LAMA5: variants seen among roughly 807,000 people sequenced by gnomAD.
The protein encoded by LAMA5 is laminin subunit alpha 5.
Under a neutral mutation model 433.4 loss-of-function variants are expected in LAMA5, and 260 were observed. The ratio of observed to expected loss-of-function variants is 0.60; its 90% CI spans 0.54 to 0.66. LAMA5 has a LOEUF of 0.66. Among genes scored for constraint, LAMA5 ranks in the 30% least tolerant of loss-of-function variants. LAMA5 has a pLI of 0.00. For synonymous variants in LAMA5, 2,620 were observed against 2,226.6 expected, an observed-to-expected ratio of 1.18 and a Z score of -4.97; for missense variants, 5,378 against 5,258.5, an observed-to-expected ratio of 1.02 and a Z score of -0.70.
Position 62,310,924 on chromosome 20 carries a change from G to A in LAMA5, c.10259C>T (p.Ser3420Phe), listed in dbSNP as rs1427569276. Residue 3420 changes from serine to phenylalanine, a missense_variant, in exon 74 of 80, where the codon TCC (serine) becomes TTC (phenylalanine). Ser to Phe is a radical substitution (Grantham distance 155, BLOSUM62 -2). Coordinates refer to ENST00000252999, the MANE Select transcript of LAMA5 (RefSeq NM_005560.6). The part of the protein sequence containing the change: ...TRLRAQSRQR[S>F]RPGRWHKVSV... ...CACCTTGTGCCAGCGGCCAGGCCGGGAGCGCTGGCGGCTCTGGGCGCGGAG... is the reference window on the plus strand; with the variant it reads ...CACCTTGTGCCAGCGGCCAGGCCGGAAGCGCTGGCGGCTCTGGGCGCGGAG... 4 of 1,610,816 alleles carry A rather than the reference G, an allele frequency of 2.5e-6. No individual in the cohort carries two copies. The highest frequency in any genetic ancestry group is 1.7e-4 in the Middle Eastern group (1 of 6,052).
At position 62,347,043 on chromosome 20, in the gene LAMA5, G is replaced by A; in HGVS notation, c.957-15C>T. 3 of 1,603,214 alleles carry A rather than the reference G, an allele frequency of 1.9e-6. No homozygotes were observed. Among genetic ancestry groups the A allele is most frequent in the Non-Finnish European group, 1.7e-6 (2 of 1,173,724 alleles). On this transcript the variant is annotated splice_polypyrimidine_tract_variant and intron_variant, in intron 6 of 79. Coordinates refer to ENST00000252999, the MANE Select transcript of LAMA5 (RefSeq NM_005560.6). ...TGCACTGCAGCCTGTGGGGTACACA[G>A]GAGGGGGGATCAGGCCCATCCTGGA...
At chr20:62,357,805 G>C (rs1453688161) in intron 2 of LAMA5, among the ~76,000 whole-genome samples, 2 of 152,222 alleles carry the variant, frequency 1.3e-5, no homozygotes, top group East Asian at 1.9e-4. Flanking sequence ...TGGAGGGAGA[G>C]GATGGGTTCC....
chr20:62,345,408 G>A (rs1363743909), intron 11 of LAMA5: 6 of 260,596 alleles, frequency 2.3e-5, no homozygotes, highest in Admixed American at 5.2e-5. Flanking sequence ...CATGTGCCAT[G>A]CCCAGTTTTC....
chr20:62,322,111 G>T lies in LAMA5; in HGVS notation c.6404C>A (p.Pro2135Gln). Residue 2135 changes from proline (P) to glutamine (Q), a missense_variant, in exon 48 of 80, where the codon CCG (proline) becomes CAG (glutamine). Transcript: ENST00000252999. ...GTCGCAGCGCTCCCCGCTGAGCCCC[G>T]GGGGGCAGTTGCAGCGGCCCGTGTG... Reference protein sequence around the residue: ...DPHTGRCNCPPGLSGERCDTC... With the variant: ...DPHTGRCNCPQGLSGERCDTC... 10 of 1,602,408 alleles carry T rather than the reference G, an allele frequency of 6.2e-6. No homozygotes were observed. The highest frequency in any genetic ancestry group is 6.8e-6 in the Non-Finnish European group (8 of 1,178,606).
intron 2 of LAMA5, among the ~76,000 whole-genome samples, chr20:62,357,958 G>A (rs989909859): frequency 1.3e-5 from 2 of 152,266 alleles, no homozygotes; most frequent in Non-Finnish European, 2.9e-5. Context: ...CACAGGAAGT[G>A]GAGATTATCC....
chr20:62,335,622 G>C (rs1981445026), intron 18 of LAMA5, among the ~76,000 whole-genome samples: 1 of 118,254 alleles, frequency 8.5e-6, no homozygotes, highest in Non-Finnish European at 1.7e-5. Flanking sequence ...AATCCCCTGA[G>C]GAACTCCACA....
chr20:62,334,115 C>T (rs1233601212), intron 22 of LAMA5, 71 bp downstream of exon 22: 1 of 1,586,650 alleles, frequency 6.3e-7, no homozygotes, highest in Non-Finnish European at 8.6e-7. Context: ...AGGGGCCTGC[C>T]CACCCCTCCC....
Position 62,313,008 on chromosome 20 carries a change from G to A in LAMA5, c.8958C>T (p.Ser2986=), listed in dbSNP as rs200709328. 5.8e-5 allele frequency: 92 copies of A among 1,583,188 alleles called. No individual in the cohort carries two copies. The highest frequency in any genetic ancestry group is 3.9e-4 in the African/African-American group (29 of 74,628). The change falls in exon 66 of 80, where the codon AGC becomes AGT. Residue 2986 remains serine (S), a splice_region_variant and synonymous_variant. Transcript: ENST00000252999. ...SGVLFFLKQQ[S]QFLCLAVQEG... Reference sequence around the variant, plus strand: ...CTTGCACGGCCAAGCACAGGAACTGGCTCTGCAGAAACAGGGCAGGGTTAG... The same window carrying A: ...CTTGCACGGCCAAGCACAGGAACTGACTCTGCAGAAACAGGGCAGGGTTAG...
chr20:62,309,767 G>A lies in LAMA5; in HGVS notation c.10897C>T (p.Leu3633=), dbSNP rs1985994526. Residue 3633 remains leucine (L), a synonymous_variant, in exon 79 of 80, where the codon CTG becomes TTG. Coordinates refer to ENST00000252999, the MANE Select transcript of LAMA5 (RefSeq NM_005560.6). ...AQSNHTVGPL[L]AAAAGAPAPL... Reference sequence around the variant, plus strand: ...GCTGGGGCACCAGCTGCAGCCGCCAGCAAGGGGCCCACGGTGTGGTTGCTC... The same window carrying A: ...GCTGGGGCACCAGCTGCAGCCGCCAACAAGGGGCCCACGGTGTGGTTGCTC... 1.2e-6 allele frequency: 2 copies of A among 1,605,818 alleles called. No individual in the cohort carries two copies. The highest frequency in any genetic ancestry group is 2.7e-5 in the African/African-American group (2 of 74,366).
At position 62,309,406 on chromosome 20, in the gene LAMA5, G is replaced by C. The variant is rs762967226; in HGVS notation, c.11018C>G (p.Ser3673Cys). Reference protein sequence around the residue: ...GCMRRLAVNRSPVAMTRSVEV... With the variant: ...GCMRRLAVNRCPVAMTRSVEV... ...CACAGAGCGAGTCATGGCGACGGGG[G>C]ACCGGTTCACCGCCAGCCTCCTCAT... Residue 3673 changes from serine to cysteine, a missense_variant, in exon 80 of 80, where the codon TCC becomes TGC. Physicochemically the swap from Ser to Cys is moderately radical, Grantham distance 112. Transcript: ENST00000252999. The C allele has an allele frequency of 6.3e-7, 1 of 1,586,826 alleles. No homozygotes were observed. The highest frequency in any genetic ancestry group is 1.7e-5 in the Admixed American group (1 of 58,172).
Position 62,367,105 on chromosome 20 carries a change from C to T in LAMA5, c.141G>A (p.Pro47=). 2.3e-6 allele frequency: 3 copies of T among 1,277,198 alleles called. No individual in the cohort carries two copies. The highest frequency in any genetic ancestry group is 3.1e-5 in the African/African-American group (2 of 64,792). 79.1% of individuals were successfully genotyped at this position (1,277,198 alleles called of 1,614,324 possible). Residue 47 remains proline, a synonymous_variant, in exon 1 of 80, where the codon CCG becomes CCA. Transcript: ENST00000252999. ...EEAGGGFSLH[P]PYFNLAEGAR... ...CGCCCTCGGCCAGGTTGAAGTAGGG[C>T]GGGTGCAGGCTGAAGCCGCCGCCCG...
Position 62,352,201 on chromosome 20 carries a change from G to A in LAMA5, c.687+41C>T, listed in dbSNP as rs2427294. The A allele has an allele frequency of 0.25, 384,041 of 1,566,906 alleles. 47,930 individuals carry two copies. The highest frequency in any genetic ancestry group is 0.26 in the Non-Finnish European group (302,300 of 1,156,242). On this transcript the variant is annotated intron_variant, in intron 4 of 79. Coordinates refer to ENST00000252999, the MANE Select transcript of LAMA5 (RefSeq NM_005560.6). ...CTGCCCCTCCCCTACCCACCTCTCC[G>A]TTCTCCAGCCCCCGTACCGCCCTGC...
Position 62,313,762 on chromosome 20 carries a change from G to A in LAMA5, c.8545C>T (p.Gln2849Ter), listed in dbSNP as rs1986588623. 2 of 1,612,956 alleles carry A rather than the reference G, an allele frequency of 1.2e-6. No individual in the cohort carries two copies. Among genetic ancestry groups the A allele is most frequent in the Non-Finnish European group, 1.7e-6 (2 of 1,179,984 alleles). Residue 2849 changes from glutamine (Q) to a stop codon, truncating the protein, a stop_gained, in exon 63 of 80, where the codon CAG becomes TAG. Coordinates refer to ENST00000252999, the MANE Select transcript of LAMA5 (RefSeq NM_005560.6). LOFTEE classifies it high-confidence loss of function. ...FGHMSVTVER[Q>*]MIQETKGDTV... ...TCACCCTTGGTTTCCTGGATCATCTGTCTCTCCACTGTGACGGACATGTGG... is the reference window on the plus strand; with the variant it reads ...TCACCCTTGGTTTCCTGGATCATCTATCTCTCCACTGTGACGGACATGTGG...
chr20:62,328,389 G>C lies in LAMA5; in HGVS notation c.4504C>G (p.Pro1502Ala), dbSNP rs532650590. 6.4e-7 allele frequency: 1 copy of C among 1,558,068 alleles called. No individual in the cohort carries two copies. Among genetic ancestry groups the C allele is most frequent in the South Asian group, 1.2e-5 (1 of 83,824 alleles). ...DELTGQCICP[P>A]RTIPPDCLLC... ...AGGCAGTCGGGCGGGATGGTGCGTG[G>C]CGGGCAGATGCACTGGCCCGTGAGC... The change falls in exon 35 of 80, where the codon CCA becomes GCA. Residue 1502 changes from proline (P) to alanine (A), a missense_variant. Physicochemically the swap from Pro to Ala is conservative, Grantham distance 27. Transcript: ENST00000252999.
Position 62,332,641 on chromosome 20 carries a change from G to C in LAMA5, c.3359C>G (p.Ala1120Gly). The C allele has an allele frequency of 1.9e-6, 3 of 1,607,446 alleles. No individual in the cohort carries two copies. Among genetic ancestry groups the C allele is most frequent in the Non-Finnish European group, 2.5e-6 (3 of 1,177,604 alleles). ...CACGGCCACGCCCACCTCCTGGCGG[G>C]CATCCTCATTGGCGTACTCCACCAC... Reference protein sequence around the residue: ...ALVVEYANEDARQEVGVAVHT... With the variant: ...ALVVEYANEDGRQEVGVAVHT... The change falls in exon 27 of 80, where the codon GCC becomes GGC. Residue 1120 changes from alanine (A) to glycine (G), a missense_variant. Coordinates refer to ENST00000252999, the MANE Select transcript of LAMA5 (RefSeq NM_005560.6).
intron 2 of LAMA5, chr20:62,355,614 C>CAAA: frequency 6.6e-6 from 1 of 152,164 alleles, no homozygotes; most frequent in African/African-American, 2.4e-5. Context: ...GCCTATTCAC[C>CAAA]GGCTGCCAGG....
chr20:62,331,330 T>C (rs1160338266), intron 28 of LAMA5, among the ~76,000 whole-genome samples: 4 of 120,152 alleles, frequency 3.3e-5, no homozygotes, highest in African/African-American at 1.1e-4. Flanking sequence ...GGCGGTACGA[T>C]GGGGGGGCCG....
intron 6 of LAMA5, among the ~76,000 whole-genome samples, chr20:62,349,420 G>A (rs192348196): frequency 5.9e-5 from 9 of 151,662 alleles, no homozygotes; most frequent in Non-Finnish European, 1.2e-4. Context: ...ATCAGCAACT[G>A]CAAGGACAAT....
At chr20:62,361,036 C>A (rs1004794976) in intron 2 of LAMA5, among the ~76,000 whole-genome samples, 1 of 152,180 alleles carries the variant, frequency 6.6e-6, no homozygotes, top group Non-Finnish European at 1.5e-5. Context: ...CAGCCCAGCC[C>A]CCTAGTTTCT....
Sources: gnomAD v4.1 joint callset for allele counts (sites outside exome capture counted in the v4.1 genomes callset) on GRCh38, gnomAD v4.1.1 for gene constraint, MANE v1.5 for transcripts, NCBI Gene and HGNC (gene_info 2026-07-23, HGNC 2026-07-21) for gene names.